The following ZDHHC11 variants were observed in gnomAD, a reference collection of about 807,000 sequenced individuals.
ZDHHC11 encodes zDHHC palmitoyltransferase 11.
Under a neutral mutation model 51.3 loss-of-function variants are expected in ZDHHC11, and 44 were observed. The observed-to-expected ratio is 0.86, with a 90% CI of 0.67 to 1.10. The LOEUF (loss-of-function observed/expected upper bound fraction) is 1.10. ZDHHC11 is among the 50% of genes least tolerant of loss of function. ZDHHC11 has a pLI of 0.00. For missense variants in ZDHHC11, 400 were observed against 537.7 expected (o/e 0.74, Z 2.53); for synonymous variants, 163 against 222.0 (o/e 0.73, Z 2.36).
intron 11 of ZDHHC11, among the ~76,000 whole-genome samples, chr5:812,963 T>A: frequency 7.0e-6 from 1 of 142,952 alleles, no homozygotes; most frequent in Non-Finnish European, 1.5e-5. Flanking sequence ...TATACTATCA[T>A]CTTCAAACTG....
chr5:812,801 T>C (rs1337689999), intron 11 of ZDHHC11, among the ~76,000 whole-genome samples: 1 of 151,298 alleles, frequency 6.6e-6, no homozygotes, highest in Non-Finnish European at 1.5e-5. Flanking sequence ...TAGTGAACAA[T>C]GGTTGACTAA....
chr5:820,744 C>CCT (rs1293809985), intron 9 of ZDHHC11, among the ~76,000 whole-genome samples: 1 of 151,382 alleles, frequency 6.6e-6, no homozygotes, highest in African/African-American at 2.4e-5. Flanking sequence ...TGGACAAAGT[C>CCT]ATCTGAAAGC....
intron 8 of ZDHHC11, among the ~76,000 whole-genome samples, chr5:822,968 A>G (rs1243436866): frequency 6.7e-6 from 1 of 150,018 alleles, no homozygotes; most frequent in South Asian, 2.1e-4. Context: ...AACGTGTTCA[A>G]TCTTTCACCC....
In ZDHHC11 at chr5:850,410, G is replaced by A. The variant is rs1747005429; in HGVS notation, c.193C>T (p.Pro65Ser). Residue 65 changes from proline (P) to serine (S), a missense_variant, in exon 1 of 13, where the codon CCT becomes TCT. Transcript: ENST00000283441. ...ATFGIFIPFL[P>S]HAWKYIAYVV... ...TAGGCAATGTATTTCCACGCGTGAGGCAGGAAGGGAATGAAGATCCCGAAG... is the reference window on the plus strand; with the variant it reads ...TAGGCAATGTATTTCCACGCGTGAGACAGGAAGGGAATGAAGATCCCGAAG... 1.2e-6 allele frequency: 2 copies of A among 1,613,546 alleles called. No homozygotes were observed. Among genetic ancestry groups the A allele is most frequent in the South Asian group, 1.1e-5 (1 of 91,086 alleles).
chr5:840,842 C>A, intron 4 of ZDHHC11, 192 bp from the exon 5 acceptor site: 1 of 1,473,524 alleles, frequency 6.8e-7, no homozygotes, highest in Non-Finnish European at 9.0e-7. Context: ...GGTTGGTTTT[C>A]ATGATCCCTG....
chr5:838,204 C>T (rs1177077152), intron 5 of ZDHHC11, among the ~76,000 whole-genome samples: 2 of 151,990 alleles, frequency 1.3e-5, no homozygotes, highest in African/African-American at 4.8e-5. Context: ...CCCTACCCAC[C>T]TGGCCTGTCC....
At chr5:797,218 G>T (rs1165810365) in intron 12 of ZDHHC11, among the ~76,000 whole-genome samples, 3 of 150,906 alleles carry the variant, frequency 2.0e-5, no homozygotes, top group African/African-American at 7.3e-5. Flanking sequence ...ATACATATGT[G>T]TGTGTGTGTA....
At chr5:837,507 C>T in intron 5 of ZDHHC11, 27 bp from the exon 6 acceptor site, 1 of 1,604,562 alleles carries the variant, frequency 6.2e-7, no homozygotes, top group Non-Finnish European at 8.5e-7. Context: ...AGGAACAGGA[C>T]AAGATACCAG....
At chr5:835,748 TTAA>T (rs1743741635) in intron 6 of ZDHHC11, among the ~76,000 whole-genome samples, 1 of 152,014 alleles carries the variant, frequency 6.6e-6, no homozygotes, top group Admixed American at 6.6e-5. Flanking sequence ...ACCTTTTCAC[TTAA>T]TAGAGCGTCT....
chr5:859,337 G>C (rs1748668249), upstream of ZDHHC11, among the ~76,000 whole-genome samples: 1 of 152,032 alleles, frequency 6.6e-6, no homozygotes, highest in Admixed American at 6.5e-5. Flanking sequence ...CGCTTTGTCT[G>C]TTCTTATCAG....
chr5:833,977 T>C (rs1221337176), intron 6 of ZDHHC11, among the ~76,000 whole-genome samples, 170 bp from the exon 7 acceptor site: 1 of 152,252 alleles, frequency 6.6e-6, no homozygotes, highest in East Asian at 1.9e-4. Flanking sequence ...CGTGTTTTCA[T>C]TTCTCTCTGG....
chr5:857,882 C>T (rs1748485510), intron 1 of ZDHHC11, among the ~76,000 whole-genome samples: 1 of 151,464 alleles, frequency 6.6e-6, no homozygotes, highest in Non-Finnish European at 1.5e-5. Flanking sequence ...GGTCCCCGTC[C>T]TGTCTTTATG....
At chr5:828,318 C>T (rs542010825) in intron 7 of ZDHHC11, among the ~76,000 whole-genome samples, 37 of 151,174 alleles carry the variant, frequency 2.4e-4, no homozygotes, top group African/African-American at 8.8e-4. Context: ...GGCGGCCGGG[C>T]GGAGGCACCC....
chr5:819,289 G>A (rs1741250643), intron 10 of ZDHHC11, among the ~76,000 whole-genome samples: 1 of 151,522 alleles, frequency 6.6e-6, no homozygotes, highest in African/African-American at 2.4e-5. Flanking sequence ...CTGCAGTGCT[G>A]AGGGCTCCCA....
intron 7 of ZDHHC11, among the ~76,000 whole-genome samples, chr5:831,204 A>T (rs1255931496): frequency 5.3e-5 from 8 of 149,760 alleles, no homozygotes; most frequent in Admixed American, 2.0e-4. Context: ...AACCCACGGA[A>T]AGGAAGAAAA....
Position 814,773 on chromosome 5 carries a change from A to G in ZDHHC11, c.1169T>C (p.Ile390Thr), listed in dbSNP as rs144376768. ...MAQEADDAPSISTLGLQQETT... is the reference protein window; with the variant it reads ...MAQEADDAPSTSTLGLQQETT... ...CTTACGAACTTACCCAAGTGTAGAT[A>G]TACTCGGGGCATCATCTGCTTCCTG... Residue 390 changes from isoleucine to threonine, a missense_variant, in exon 11 of 13, where the codon ATA becomes ACA. Around this residue, in one of 5 missense-constraint regions of ZDHHC11, gnomAD observed 231 missense variants for 227.4 expected, o/e 1.02. Transcript: ENST00000283441. 1.3e-4 allele frequency: 197 copies of G among 1,547,974 alleles called. 2 individuals carry two copies. The highest frequency in any genetic ancestry group is 1.2e-3 in the South Asian group (93 of 80,262).
At chr5:835,649 T>C (rs1743725081) in intron 6 of ZDHHC11, among the ~76,000 whole-genome samples, 1 of 152,032 alleles carries the variant, frequency 6.6e-6, no homozygotes, top group Non-Finnish European at 1.5e-5. Flanking sequence ...CCTGCTGGGG[T>C]TCAGCAGGGA....
chr5:851,090 T>G, upstream of ZDHHC11: 1 of 169,414 alleles, frequency 5.9e-6, no homozygotes, highest in Non-Finnish European at 1.3e-5. Context: ...ACTGAGGCAA[T>G]GCCTGAAGAG....
intron 10 of ZDHHC11, among the ~76,000 whole-genome samples, chr5:818,412 C>T (rs979743176): frequency 2.0e-5 from 3 of 151,738 alleles, no homozygotes; most frequent in African/African-American, 4.8e-5. Flanking sequence ...GTCGCTGTTC[C>T]TCCAGGCTGG....
Sources: allele counts gnomAD v4.1 joint callset (sites outside exome capture counted in the v4.1 genomes callset), GRCh38; gene constraint gnomAD v4.1.1; regional missense constraint gnomAD v4.1.1; transcripts MANE v1.5; gene names NCBI Gene and HGNC (gene_info 2026-07-23, HGNC 2026-07-21).